Variants in RFX3 observed in about 807,000 individuals in gnomAD.
RFX3 encodes regulatory factor X3, also known as transcription factor RFX3.
A neutral mutation model predicts 98.6 loss-of-function variants in RFX3; 14 were observed. The observed-to-expected ratio is 0.14, with a 90% CI of 0.09 to 0.22. The LOEUF is 0.22. Among genes scored for constraint, RFX3 ranks in the 10% least tolerant of loss-of-function variants. RFX3 has a pLI of 1.00. For synonymous variants in RFX3, 383 were observed against 328.4 expected (o/e 1.17, Z -1.80); for missense variants, 639 against 926.9 (o/e 0.69, Z 4.03).
chr9:3,257,418 G>A (rs1165816590), intron 13 of RFX3, among the ~76,000 whole-genome samples: 2 of 152,160 alleles, frequency 1.3e-5, no homozygotes, highest in African/African-American at 4.8e-5. Context: ...CTGGTACACA[G>A]AAAAGTGATG....
intron 5 of RFX3, among the ~76,000 whole-genome samples, chr9:3,298,217 T>C (rs547088920): frequency 1.1e-4 from 16 of 151,996 alleles, no homozygotes; most frequent in African/African-American, 3.9e-4. Context: ...AAGATGAGAT[T>C]GTTTAGAGGA....
chr9:3,316,824 C>T (rs968100689), intron 4 of RFX3, among the ~76,000 whole-genome samples: 3 of 152,074 alleles, frequency 2.0e-5, no homozygotes, highest in African/African-American at 7.2e-5. Flanking sequence ...ATGTGAAGGA[C>T]CTCTTCAAGG....
intron 1 of RFX3, among the ~76,000 whole-genome samples, chr9:3,449,179 G>A (rs2071033879): frequency 1.3e-5 from 2 of 152,222 alleles, no homozygotes; most frequent in East Asian, 1.9e-4. Context: ...TAATACATAG[G>A]AGAGCAACAC....
intron 1 of RFX3, among the ~76,000 whole-genome samples, chr9:3,406,834 C>T (rs1842018305): frequency 6.6e-6 from 1 of 152,092 alleles, no homozygotes; most frequent in Non-Finnish European, 1.5e-5. Flanking sequence ...TAACAACTCC[C>T]ATATTCAAAG....
chr9:3,347,001 C>T (rs186448373), intron 2 of RFX3, among the ~76,000 whole-genome samples: 79 of 152,276 alleles, frequency 5.2e-4, no homozygotes, highest in African/African-American at 1.8e-3. Context: ...TGTATAGACA[C>T]ATTTCAACTG....
At chr9:3,371,196 A>G (rs916729461) in intron 2 of RFX3, among the ~76,000 whole-genome samples, 1 of 152,140 alleles carries the variant, frequency 6.6e-6, no homozygotes, top group Non-Finnish European at 1.5e-5. Context: ...AGCGGCTTCC[A>G]TTTTCAAAAA....
At chr9:3,246,250 A>C (rs568798224) in intron 15 of RFX3, among the ~76,000 whole-genome samples, 1 of 152,276 alleles carries the variant, frequency 6.6e-6, no homozygotes, top group South Asian at 2.1e-4. Flanking sequence ...TCTTTGCCTC[A>C]TGTAAAATCT....
intron 4 of RFX3, among the ~76,000 whole-genome samples, chr9:3,320,605 C>A (rs1831154625): frequency 6.7e-6 from 1 of 148,954 alleles, no homozygotes; most frequent in East Asian, 2.0e-4. Context: ...TATATAAGCA[C>A]ATAGTAATAT....
At chr9:3,489,478 G>A (rs755218916) in intron 1 of RFX3, 2 of 941,012 alleles carry the variant, frequency 2.1e-6, no homozygotes, top group Middle Eastern at 5.5e-4. Context: ...CTATTATTGA[G>A]TAGTAGAGTA....
intron 4 of RFX3, among the ~76,000 whole-genome samples, chr9:3,328,170 C>T (rs1421047499): frequency 6.6e-6 from 1 of 151,782 alleles, no homozygotes; most frequent in Non-Finnish European, 1.5e-5. Flanking sequence ...TAAATTTTGC[C>T]CCGTTTTTCA....
At chr9:3,333,624 G>C (rs919324394) in intron 3 of RFX3, among the ~76,000 whole-genome samples, 2 of 151,906 alleles carry the variant, frequency 1.3e-5, no homozygotes, top group Non-Finnish European at 2.9e-5. Flanking sequence ...TTTAATTTTT[G>C]TCTACCGAAT....
intron 1 of RFX3, among the ~76,000 whole-genome samples, chr9:3,513,498 T>A (rs1237973599): frequency 1.3e-5 from 2 of 152,164 alleles, no homozygotes; most frequent in Non-Finnish European, 2.9e-5. Context: ...AGGTTTATAA[T>A]CCAGAAGGTA....
chr9:3,453,459 C>T (rs1400391645), intron 1 of RFX3: 1 of 151,936 alleles, frequency 6.6e-6, no homozygotes, highest in African/African-American at 2.4e-5. Context: ...CTGGCAATGT[C>T]AGCACTTTGG....
chr9:3,458,595 T>C (rs1699818835), intron 1 of RFX3, among the ~76,000 whole-genome samples: 1 of 152,212 alleles, frequency 6.6e-6, no homozygotes, highest in African/African-American at 2.4e-5. Flanking sequence ...GAAGTCTGTA[T>C]GTTTTCCTAT....
At chr9:3,271,160 T>C (rs1429850292) in intron 9 of RFX3, 42 bp from the exon 10 acceptor site, 1 of 1,546,232 alleles carries the variant, frequency 6.5e-7, no homozygotes, top group East Asian at 2.3e-5. Flanking sequence ...ACAATATTAT[T>C]TACGGGACTG....
chr9:3,301,042 A>C (rs1828591164), intron 5 of RFX3, among the ~76,000 whole-genome samples: 1 of 151,744 alleles, frequency 6.6e-6, no homozygotes, highest in African/African-American at 2.4e-5. Context: ...ACCTGAATTC[A>C]ACTATGGGGT....
At position 3,299,522 on chromosome 9, in the gene RFX3, G is replaced by A. The variant is rs551653559; in HGVS notation, c.549+2024C>T. The stretch of plus-strand genomic sequence containing the variant: ...CTGTGCCTCAAGGTGTAATAAAAAT[G>A]AATCAGGATAGTTGGAGAAAGATTA... On this transcript the variant is annotated intron_variant, in intron 5 of 16. Coordinates refer to ENST00000617270, the MANE Select transcript of RFX3 (RefSeq NM_001282116.2). Among the ~76,000 whole-genome samples, 14 of 151,792 alleles carry A rather than the reference G, an allele frequency of 9.2e-5. No individual in the cohort carries two copies. The East Asian group carries it at 2.7e-3, about 29-fold the overall frequency.
In RFX3 at chr9:3,333,506, A is replaced by G. The variant is rs373721504; in HGVS notation, c.216-2989T>C. Among the ~76,000 whole-genome samples, 48 of 150,234 alleles carry G rather than the reference A, an allele frequency of 3.2e-4. No homozygotes were observed. The East Asian group carries it at 8.2e-3, about 26-fold the overall frequency. On this transcript the variant is annotated intron_variant, in intron 3 of 16. Transcript: ENST00000617270. Reference sequence around the variant, plus strand: ...ACGTACCATTCTTCTCATCACTGCTATATTTCCCAACTGGAAATCTCATTT... The same window carrying G: ...ACGTACCATTCTTCTCATCACTGCTGTATTTCCCAACTGGAAATCTCATTT...
At chr9:3,389,810 T>C (rs907272150) in intron 2 of RFX3, among the ~76,000 whole-genome samples, 2 of 152,222 alleles carry the variant, frequency 1.3e-5, no homozygotes, top group Middle Eastern at 3.4e-3. Context: ...TATGCAAATA[T>C]ACCACAAACT....
Sources: gnomAD v4.1 joint callset for allele counts (sites outside exome capture counted in the v4.1 genomes callset) on GRCh38, gnomAD v4.1.1 for gene constraint, MANE v1.5 for transcripts, NCBI Gene and HGNC (gene_info 2026-07-23, HGNC 2026-07-21) for gene names.